TMEM135: variants seen among roughly 807,000 people sequenced by gnomAD.
The protein encoded by TMEM135 is transmembrane protein 135.
TMEM135 carries 30 observed loss-of-function variants against 60.3 expected under a neutral mutation model. The observed-to-expected ratio is 0.50, with a 90% CI of 0.37 to 0.68. The LOEUF (loss-of-function observed/expected upper bound fraction) is 0.68. Ranked by LOEUF, TMEM135 falls within the 30% of genes least tolerant of loss-of-function variation. TMEM135 has a pLI of 0.00. For missense variants in TMEM135, 468 were observed against 548.8 expected, an observed-to-expected ratio of 0.85 and a Z score of 1.47; for synonymous variants, 190 against 186.7, an observed-to-expected ratio of 1.02 and a Z score of -0.14.
chr11:87,252,462 A>G (rs577037539), intron 6 of TMEM135, among the ~76,000 whole-genome samples: 86 of 152,336 alleles, frequency 5.6e-4, no homozygotes, highest in Non-Finnish European at 1.1e-3. Context: ...CTTAAAAGAT[A>G]ATTTAATTTC....
At chr11:87,044,972 A>T (rs1805564425) in intron 1 of TMEM135, among the ~76,000 whole-genome samples, 1 of 151,146 alleles carries the variant, frequency 6.6e-6, no homozygotes, top group South Asian at 2.1e-4. Flanking sequence ...TTAAATGAAC[A>T]ATTGAATAAT....
intron 4 of TMEM135, among the ~76,000 whole-genome samples, chr11:87,105,557 C>T (rs1351215938): frequency 2.6e-5 from 4 of 152,088 alleles, no homozygotes; most frequent in Non-Finnish European, 5.9e-5. Flanking sequence ...GAACCATCCT[C>T]GCCTCCCAGG....
intron 4 of TMEM135, among the ~76,000 whole-genome samples, chr11:87,155,250 C>G (rs1226914548): frequency 6.6e-6 from 1 of 152,184 alleles, no homozygotes; most frequent in Non-Finnish European, 1.5e-5. Context: ...CCACCCGCCT[C>G]GGCCTCTCAA....
At chr11:87,235,716 C>T (rs527750313) in intron 5 of TMEM135, among the ~76,000 whole-genome samples, 2 of 152,004 alleles carry the variant, frequency 1.3e-5, no homozygotes, top group South Asian at 4.1e-4. Context: ...ATGCATTCTA[C>T]AATTTTAATT....
At chr11:87,141,956 A>G (rs1411272618) in intron 4 of TMEM135, among the ~76,000 whole-genome samples, 1 of 152,230 alleles carries the variant, frequency 6.6e-6, no homozygotes, top group African/African-American at 2.4e-5. Flanking sequence ...TAAAAGGGGT[A>G]CAAGAGGAAT....
chr11:87,043,703 C>T (rs529516403), intron 1 of TMEM135, among the ~76,000 whole-genome samples: 17 of 151,604 alleles, frequency 1.1e-4, no homozygotes, highest in Non-Finnish European at 2.4e-4. Context: ...AGCCTGGCAA[C>T]AGAGCGAGAC....
At chr11:87,204,264 G>C (rs564083081) in intron 5 of TMEM135, among the ~76,000 whole-genome samples, 4 of 149,180 alleles carry the variant, frequency 2.7e-5, no homozygotes, top group African/African-American at 9.8e-5. Context: ...ATGAATATTC[G>C]TACAATTTTT....
intron 5 of TMEM135, among the ~76,000 whole-genome samples, chr11:87,174,925 G>C (rs888530469): frequency 6.6e-6 from 1 of 152,242 alleles, no homozygotes; most frequent in African/African-American, 2.4e-5. Flanking sequence ...GTGGTGGGAA[G>C]AAATTAGTTT....
intron 6 of TMEM135, 77 bp downstream of exon 6, chr11:87,236,761 G>A: frequency 7.2e-7 from 1 of 1,386,930 alleles, no homozygotes; most frequent in Non-Finnish European, 1.0e-6. Flanking sequence ...CGAAACTAAA[G>A]TATTCTCCAA....
intron 1 of TMEM135, among the ~76,000 whole-genome samples, chr11:87,044,872 C>T (rs566613063): frequency 1.3e-5 from 2 of 151,874 alleles, no homozygotes; most frequent in Admixed American, 6.6e-5. Context: ...TGGTCTCCAT[C>T]TCCTGACCTC....
At chr11:87,243,265 A>G (rs1307751425) in intron 6 of TMEM135, among the ~76,000 whole-genome samples, 2 of 141,576 alleles carry the variant, frequency 1.4e-5, no homozygotes, top group East Asian at 4.0e-4. Flanking sequence ...GCCTTGTAGT[A>G]TAGTTTGAAG....
Position 87,293,235 on chromosome 11 carries a change from T to C in TMEM135, c.510-2547T>C, listed in dbSNP as rs561657566. Among the ~76,000 whole-genome samples, 12 of 152,344 alleles carry C rather than the reference T, an allele frequency of 7.9e-5. No individual in the cohort carries two copies. In the East Asian group the frequency reaches 2.3e-3, roughly 29 times the overall value. Reference sequence around the variant, plus strand: ...TTCCCATGCACATTTTATCCTTCCATCTGAATTCTTTTGCCTTTACCCCTA... The same window carrying C: ...TTCCCATGCACATTTTATCCTTCCACCTGAATTCTTTTGCCTTTACCCCTA... On this transcript the variant is annotated intron_variant, in intron 6 of 14. Transcript: ENST00000305494.
intron 4 of TMEM135, among the ~76,000 whole-genome samples, chr11:87,146,469 T>C (rs950920885): frequency 1.3e-5 from 2 of 152,166 alleles, no homozygotes; most frequent in African/African-American, 4.8e-5. Flanking sequence ...AAAATAAAAC[T>C]GGCCTTAAGC....
At chr11:87,252,922 C>T (rs1469477008) in intron 6 of TMEM135, among the ~76,000 whole-genome samples, 3 of 151,044 alleles carry the variant, frequency 2.0e-5, no homozygotes, top group Non-Finnish European at 4.4e-5. Flanking sequence ...GGCAGCCAAA[C>T]CTGTGAGTTT....
chr11:87,288,315 A>G (rs1942205621), intron 6 of TMEM135, among the ~76,000 whole-genome samples: 1 of 152,204 alleles, frequency 6.6e-6, no homozygotes, highest in Non-Finnish European at 1.5e-5. Context: ...GTGTATATCT[A>G]TCCCAGTAGT....
chr11:87,128,036 TCTTA>T (rs1327432156), intron 4 of TMEM135, among the ~76,000 whole-genome samples: 3 of 152,178 alleles, frequency 2.0e-5, no homozygotes, highest in African/African-American at 7.2e-5. Context: ...TGATCTAGAA[TCTTA>T]CTTTGGCTTT....
At chr11:87,217,745 T>C (rs1940533470) in intron 5 of TMEM135, among the ~76,000 whole-genome samples, 1 of 151,772 alleles carries the variant, frequency 6.6e-6, no homozygotes, top group Non-Finnish European at 1.5e-5. Flanking sequence ...GATCGTGCCA[T>C]TGCACTCCAG....
intron 5 of TMEM135, among the ~76,000 whole-genome samples, chr11:87,178,121 A>G (rs1939424673): frequency 6.6e-6 from 1 of 152,014 alleles, no homozygotes. Flanking sequence ...ATGTGATTGA[A>G]CTGTCTCCAG....
chr11:87,260,816 G>A (rs971409090), intron 6 of TMEM135, among the ~76,000 whole-genome samples: 14 of 151,820 alleles, frequency 9.2e-5, no homozygotes, highest in Admixed American at 2.6e-4. Flanking sequence ...AAATTTAAAT[G>A]TCTGATGTAA....
Sources: allele counts gnomAD v4.1 joint callset (sites outside exome capture counted in the v4.1 genomes callset), GRCh38; gene constraint gnomAD v4.1.1; transcripts MANE v1.5; gene names NCBI Gene and HGNC (gene_info 2026-07-23, HGNC 2026-07-21).